CEP85L: variants seen among roughly 807,000 people sequenced by gnomAD.
CEP85L encodes centrosomal protein 85L.
Under a neutral mutation model 100.3 loss-of-function variants are expected in CEP85L, and 60 were observed. The observed-to-expected ratio is 0.60, with a 90% CI of 0.49 to 0.74. The LOEUF is 0.74. CEP85L is among the 30% of genes least tolerant of loss of function. CEP85L has a pLI of 0.00. For missense variants in CEP85L, 973 were observed against 936.2 expected (o/e 1.04, Z -0.51); for synonymous variants, 319 against 322.7 (o/e 0.99, Z 0.12).
chr6:118,555,965 C>T (rs1175488236), intron 3 of CEP85L, among the ~76,000 whole-genome samples: 1 of 152,076 alleles, frequency 6.6e-6, no homozygotes, highest in Non-Finnish European at 1.5e-5. Context: ...TCCATGTTCC[C>T]GCAAAAGACA....
At chr6:118,614,425 G>GA (rs1350140814) in intron 2 of CEP85L, among the ~76,000 whole-genome samples, 2 of 152,216 alleles carry the variant, frequency 1.3e-5, no homozygotes, top group South Asian at 2.1e-4. Flanking sequence ...AAATCAGAAA[G>GA]AAAAAACTCC....
At chr6:118,491,437 G>A (rs190728514) in intron 6 of CEP85L, 2 of 1,194,050 alleles carry the variant, frequency 1.7e-6, no homozygotes, top group East Asian at 3.4e-5. Context: ...GTTATTTGGT[G>A]TAGGCAATTA....
intron 1 of CEP85L, among the ~76,000 whole-genome samples, chr6:118,665,515 C>T (rs1017065547): frequency 6.6e-5 from 10 of 152,066 alleles, no homozygotes; most frequent in Middle Eastern, 3.4e-3. Flanking sequence ...TGTGCCACCA[C>T]GCCTGGCTAC....
intron 2 of CEP85L, among the ~76,000 whole-genome samples, chr6:118,623,844 G>A (rs2356502): frequency 0.71 from 107,851 of 152,102 alleles, 38,963 homozygotes; most frequent in African/African-American, 0.75. Context: ...GGAGAAAAGG[G>A]ATAGAGCTGT....
intron 2 of CEP85L, among the ~76,000 whole-genome samples, chr6:118,631,126 A>G (rs747166789): frequency 3.3e-5 from 5 of 152,210 alleles, no homozygotes; most frequent in Non-Finnish European, 5.9e-5. Flanking sequence ...CTACACTAGT[A>G]GGAGATAATG....
At chr6:118,642,609 A>G (rs921250816) in intron 1 of CEP85L, among the ~76,000 whole-genome samples, 6 of 152,146 alleles carry the variant, frequency 3.9e-5, no homozygotes, top group African/African-American at 1.4e-4. Context: ...ATCTAGCTCA[A>G]TCTAAGCTAA....
intron 1 of CEP85L, among the ~76,000 whole-genome samples, chr6:118,670,321 T>C (rs1389847396): frequency 6.6e-6 from 1 of 152,022 alleles, no homozygotes; most frequent in African/African-American, 2.4e-5. Flanking sequence ...AGGATTATTT[T>C]GTCATCCAGG....
chr6:118,631,414 T>G (rs1272540600), intron 2 of CEP85L, among the ~76,000 whole-genome samples: 1 of 152,218 alleles, frequency 6.6e-6, no homozygotes, highest in Non-Finnish European at 1.5e-5. Context: ...GTGTGGCAGT[T>G]TCTTTAAAAT....
chr6:118,599,156 G>T (rs1214631777), intron 2 of CEP85L, among the ~76,000 whole-genome samples: 1 of 152,156 alleles, frequency 6.6e-6, no homozygotes, highest in African/African-American at 2.4e-5. Context: ...CCCAGATCTT[G>T]GTTTCTGAAT....
In CEP85L at chr6:118,558,626, T is replaced by TACACACACACAC. The variant is rs371775061; in HGVS notation, c.1020+6891_1020+6902dup. ...ACAGACACATAGAAACACGTGCACATACACACACACACACACACACACACA... is the reference window on the plus strand; with the variant it reads ...ACAGACACATAGAAACACGTGCACATACACACACACACACACACACACACACACACACACACA... On this transcript the variant is annotated intron_variant, in intron 3 of 12. Transcript: ENST00000368491. Among the ~76,000 whole-genome samples, 332 of 111,620 alleles carry TACACACACACAC rather than the reference T, an allele frequency of 3.0e-3. 1 individual carries two copies. The highest frequency in any genetic ancestry group is 9.0e-3 in the East Asian group (36 of 3,992). The allele number at this position is 111,620 out of a possible 152,430, so 73.2% of individuals were successfully genotyped here.
intron 1 of CEP85L, among the ~76,000 whole-genome samples, chr6:118,690,981 A>G (rs984987923): frequency 6.6e-6 from 1 of 151,828 alleles, no homozygotes; most frequent in African/African-American, 2.4e-5. Context: ...TGGGTGACAG[A>G]GTGAGACCCT....
chr6:118,479,980 C>G (rs759040581), intron 9 of CEP85L, 59 bp from the exon 10 acceptor site: 1 of 858,196 alleles, frequency 1.2e-6, no homozygotes, highest in Non-Finnish European at 1.8e-6. Context: ...TTAAAAGTAC[C>G]AACATTTCAA....
chr6:118,666,502 C>A (rs1364059619), intron 1 of CEP85L, among the ~76,000 whole-genome samples: 6 of 152,130 alleles, frequency 3.9e-5, no homozygotes, highest in Non-Finnish European at 8.8e-5. Flanking sequence ...ATGTTTACAA[C>A]ATGTCTGGCT....
chr6:118,668,804 A>G (rs1776208901), intron 1 of CEP85L, among the ~76,000 whole-genome samples: 1 of 152,346 alleles, frequency 6.6e-6, no homozygotes, highest in South Asian at 2.1e-4. Flanking sequence ...TTTTAAAGCT[A>G]TATATCTAAA....
chr6:118,651,538 C>A lies in CEP85L; in HGVS notation c.-269G>T. On this transcript the variant is annotated 5_prime_UTR_variant, in exon 1 of 13. Coordinates refer to ENST00000368491, the MANE Select transcript of CEP85L (RefSeq NM_001042475.3). ...CTCGGCGGTGACGGCTGCTAGATCC[C>A]CGGCTGAGCCCAGGCTCAAAGGCTC... 1 of 1,256,082 alleles carries A rather than the reference C, an allele frequency of 8.0e-7. No individual in the cohort carries two copies. Among genetic ancestry groups the A allele is most frequent in the Admixed American group, 4.4e-5 (1 of 22,876 alleles). The allele number at this position is 1,256,082 out of a possible 1,614,324, so 77.8% of individuals were successfully genotyped here. A position where few individuals can be genotyped will look rare whatever the true frequency, so the allele number is the denominator to read the frequency against.
At chr6:118,614,908 AT>A (rs1288931850) in intron 2 of CEP85L, among the ~76,000 whole-genome samples, 10 of 151,736 alleles carry the variant, frequency 6.6e-5, no homozygotes, top group South Asian at 4.2e-4. Flanking sequence ...AGATAGATAG[AT>A]TTTTTTAAAA....
intron 2 of CEP85L, among the ~76,000 whole-genome samples, chr6:118,596,213 A>G (rs761255095): frequency 3.5e-5 from 5 of 144,326 alleles, no homozygotes; most frequent in South Asian, 2.1e-4. Flanking sequence ...GATAAAAAAC[A>G]TATCTGCTTG....
intron 3 of CEP85L, among the ~76,000 whole-genome samples, chr6:118,557,011 A>G (rs538728440): frequency 1.3e-4 from 20 of 152,334 alleles, no homozygotes; most frequent in Non-Finnish European, 1.8e-4. Context: ...ACTACTATTA[A>G]GTAGAAGTCT....
intron 2 of CEP85L, among the ~76,000 whole-genome samples, chr6:118,623,188 G>C (rs1422309347): frequency 6.6e-6 from 1 of 152,200 alleles, no homozygotes; most frequent in Non-Finnish European, 1.5e-5. Context: ...CAAGGCCTGG[G>C]AGATGTGCCA....
Sources: gnomAD v4.1 joint callset for allele counts (sites outside exome capture counted in the v4.1 genomes callset) on GRCh38, gnomAD v4.1.1 for gene constraint, MANE v1.5 for transcripts, NCBI Gene and HGNC (gene_info 2026-07-23, HGNC 2026-07-21) for gene names.